Variants in RIC1 observed in about 807,000 individuals in gnomAD.
RIC1 encodes the protein guanine nucleotide exchange factor subunit RIC1.
In RIC1, 88 loss-of-function variants were observed where a neutral mutation model predicts 169.0. That is an observed-to-expected ratio of 0.52 (90% confidence interval 0.44 to 0.62). The LOEUF (loss-of-function observed/expected upper bound fraction) is 0.62, where lower values mean the gene tolerates loss of function less well. Among genes scored for constraint, RIC1 ranks in the 20% least tolerant of loss-of-function variants. The pLI is 0.00. For synonymous variants in RIC1, 790 were observed against 601.5 expected, an observed-to-expected ratio of 1.31 and a Z score of -4.59; for missense variants, 1,877 against 1,725.5, an observed-to-expected ratio of 1.09 and a Z score of -1.56.
chr9:5,745,887 C>G (rs1014294330), intron 10 of RIC1, 44 bp from the exon 11 acceptor site: 4 of 1,560,144 alleles, frequency 2.6e-6, no homozygotes, highest in Non-Finnish European at 2.6e-6. Flanking sequence ...ATACAAAAGC[C>G]TTTTATTGCT....
chr9:5,692,218 C>G (rs1171146327), intron 3 of RIC1, among the ~76,000 whole-genome samples: 3 of 152,020 alleles, frequency 2.0e-5, no homozygotes, highest in African/African-American at 7.2e-5. Context: ...TCAGATAGAC[C>G]TGAAATTAAA....
intron 1 of RIC1, among the ~76,000 whole-genome samples, chr9:5,634,954 C>T (rs777092273): frequency 3.3e-5 from 5 of 151,972 alleles, no homozygotes; most frequent in Non-Finnish European, 7.4e-5. Context: ...ACTATAGTCA[C>T]CCTGTTGTAC....
intron 2 of RIC1, among the ~76,000 whole-genome samples, chr9:5,674,477 C>T (rs1430838413): frequency 2.0e-5 from 3 of 151,962 alleles, no homozygotes; most frequent in Admixed American, 1.3e-4. Context: ...AGAAATAAGA[C>T]GGTGGTGAAA....
At position 5,743,025 on chromosome 9, in the gene RIC1, A is replaced by C. The variant is rs1195266835; in HGVS notation, c.1046+12A>C. 2 of 1,598,776 alleles carry C rather than the reference A, an allele frequency of 1.3e-6. No individual in the cohort carries two copies. The highest frequency in any genetic ancestry group is 1.7e-6 in the Non-Finnish European group (2 of 1,175,868). Reference sequence around the variant, plus strand: ...GGAGGAGATTTTGCGTAAGTCAAAAAAGACAATTTTTAGATAAAATAACTC... The same window carrying C: ...GGAGGAGATTTTGCGTAAGTCAAAACAGACAATTTTTAGATAAAATAACTC... On this transcript the variant is annotated intron_variant, in intron 9 of 25. Coordinates refer to ENST00000414202, the MANE Select transcript of RIC1 (RefSeq NM_020829.4).
At chr9:5,655,090 T>C (rs922597461) in intron 1 of RIC1, among the ~76,000 whole-genome samples, 4 of 152,202 alleles carry the variant, frequency 2.6e-5, no homozygotes, top group Admixed American at 2.6e-4. Flanking sequence ...TGTGGTCTTA[T>C]TGAATTAGCT....
At chr9:5,686,492 T>G (rs534933937) in intron 2 of RIC1, among the ~76,000 whole-genome samples, 1 of 151,670 alleles carries the variant, frequency 6.6e-6, no homozygotes, top group Non-Finnish European at 1.5e-5. Context: ...ATGGATGAAA[T>G]TGGAAATCAT....
chr9:5,692,981 G>C (rs1821676421), intron 3 of RIC1, among the ~76,000 whole-genome samples: 1 of 152,074 alleles, frequency 6.6e-6, no homozygotes, highest in African/African-American at 2.4e-5. Flanking sequence ...TGTACAGCTA[G>C]GATTCAGACA....
intron 2 of RIC1, among the ~76,000 whole-genome samples, chr9:5,672,153 A>G (rs1820146258): frequency 6.6e-6 from 1 of 152,200 alleles, no homozygotes; most frequent in Non-Finnish European, 1.5e-5. Flanking sequence ...TGCCTCTGCA[A>G]ACTGTCACTT....
chr9:5,716,668 G>T lies in RIC1; in HGVS notation c.440+2665G>T, dbSNP rs778335398. 2.0e-5 allele frequency among the ~76,000 whole-genome samples: 3 copies of T among 152,156 alleles called. No homozygotes were observed. In the South Asian group the frequency reaches 6.2e-4, roughly 32 times the overall value. The stretch of plus-strand genomic sequence containing the variant: ...GAAAAGACATGGGTTATTAGTTATC[G>T]AACAGGGTTCTGACATCGCCCTACT... On this transcript the variant is annotated intron_variant, in intron 4 of 25. Transcript: ENST00000414202.
At chr9:5,679,718 T>C (rs1266963469) in intron 2 of RIC1, among the ~76,000 whole-genome samples, 2 of 152,246 alleles carry the variant, frequency 1.3e-5, no homozygotes, top group Admixed American at 6.5e-5. Context: ...TGAAGTTGCT[T>C]ATCAGCTTAA....
At position 5,734,295 on chromosome 9, in the gene RIC1, G is replaced by A. The variant is rs773934672; in HGVS notation, c.812+1816G>A. Reference sequence around the variant, plus strand: ...CTAATTTTTGTATTTTTAGTAGAACGGAGTTTCACTGTGTTGGTCAGTCTG... The same window carrying A: ...CTAATTTTTGTATTTTTAGTAGAACAGAGTTTCACTGTGTTGGTCAGTCTG... On this transcript the variant is annotated intron_variant, in intron 7 of 25. Coordinates refer to ENST00000414202, the MANE Select transcript of RIC1 (RefSeq NM_020829.4). Among the ~76,000 whole-genome samples, 11 of 151,476 alleles carry A rather than the reference G, an allele frequency of 7.3e-5. No homozygotes were observed. In the South Asian group the frequency reaches 1.0e-3, roughly 14 times the overall value.
intron 2 of RIC1, among the ~76,000 whole-genome samples, chr9:5,684,047 C>A (rs1019649146): frequency 6.6e-6 from 1 of 152,140 alleles, no homozygotes; most frequent in Non-Finnish European, 1.5e-5. Context: ...GTCTGTCACC[C>A]CTTTCTTTGA....
intron 2 of RIC1, among the ~76,000 whole-genome samples, chr9:5,667,564 G>A (rs1377251356): frequency 1.3e-5 from 2 of 150,056 alleles, no homozygotes; most frequent in Admixed American, 6.6e-5. Flanking sequence ...AAATGCAGTG[G>A]CATGATCATA....
At chr9:5,640,708 T>G (rs1818196753) in intron 1 of RIC1, among the ~76,000 whole-genome samples, 1 of 152,216 alleles carries the variant, frequency 6.6e-6, no homozygotes, top group Non-Finnish European at 1.5e-5. Flanking sequence ...TTCTGATGGT[T>G]TCTTCTTGGT....
chr9:5,716,995 C>T (rs565779395), intron 4 of RIC1, among the ~76,000 whole-genome samples: 1 of 152,240 alleles, frequency 6.6e-6, no homozygotes, highest in South Asian at 2.1e-4. Context: ...ACAAGTTTGT[C>T]CACTTTCAAT....
intron 12 of RIC1, among the ~76,000 whole-genome samples, chr9:5,749,250 T>A (rs916187347): frequency 6.6e-6 from 1 of 152,250 alleles, no homozygotes; most frequent in African/African-American, 2.4e-5. Context: ...GACCTTGAGC[T>A]AAAACTTAGA....
At chr9:5,770,330 G>C in intron 23 of RIC1, 52 bp downstream of exon 23, 2 of 1,445,012 alleles carry the variant, frequency 1.4e-6, no homozygotes, top group Non-Finnish European at 1.9e-6. Flanking sequence ...GAAAATTTAT[G>C]TGCTATAGCA....
At chr9:5,629,851 CTTT>C (rs1448672495) in intron 1 of RIC1, among the ~76,000 whole-genome samples, 9 of 152,366 alleles carry the variant, frequency 5.9e-5, no homozygotes, top group African/African-American at 1.9e-4. Flanking sequence ...CCCTCCCTTA[CTTT>C]AAAGGTCGCC....
chr9:5,756,076 C>A (rs1271695523), intron 15 of RIC1, 136 bp from the exon 16 acceptor site: 3 of 462,448 alleles, frequency 6.5e-6, no homozygotes, highest in Non-Finnish European at 1.1e-5. Flanking sequence ...ACTGTTAAAG[C>A]TTAGATAGTT....
Sources: gnomAD v4.1 joint callset for allele counts (sites outside exome capture counted in the v4.1 genomes callset) on GRCh38, gnomAD v4.1.1 for gene constraint, MANE v1.5 for transcripts, NCBI Gene and HGNC (gene_info 2026-07-23, HGNC 2026-07-21) for gene names.